Variants in PDE10A observed in about 807,000 individuals in gnomAD.
PDE10A encodes the protein phosphodiesterase 10A.
Under a neutral mutation model 97.7 loss-of-function variants are expected in PDE10A, and 39 were observed. The ratio of observed to expected loss-of-function variants is 0.40; its 90% CI spans 0.31 to 0.52. PDE10A has a LOEUF of 0.52. PDE10A is among the 20% of genes least tolerant of loss of function. The probability of loss-of-function intolerance (pLI) is 0.56; values close to 1 mark genes in which losing one functional copy is unlikely to be tolerated. For synonymous variants in PDE10A, 371 were observed against 376.8 expected (o/e 0.98, Z 0.18); for missense variants, 731 against 1,047.8 (o/e 0.70, Z 4.17).
chr6:165,787,383 C>T (rs933590895), intron 1 of PDE10A, among the ~76,000 whole-genome samples: 4 of 152,238 alleles, frequency 2.6e-5, no homozygotes, highest in South Asian at 4.2e-4. Flanking sequence ...GGTGAGGGCC[C>T]GTCCTGGTGC....
intron 3 of PDE10A, among the ~76,000 whole-genome samples, chr6:165,458,215 C>A (rs557712892): frequency 6.6e-6 from 1 of 152,048 alleles, no homozygotes; most frequent in South Asian, 2.1e-4. Flanking sequence ...AAGAATAGTA[C>A]AAGAAACACC....
In PDE10A at chr6:165,401,603, C is replaced by T. The variant is rs78691515; in HGVS notation, c.2077-5144G>A. On this transcript the variant is annotated intron_variant, in intron 13 of 21. Transcript: ENST00000539869. ...GAACATTCTGAAATCATCTTCATAA[C>T]CGTGATTTTTTTTCTAACTGATAAA... 5.8e-3 allele frequency among the ~76,000 whole-genome samples: 889 copies of T among 152,254 alleles called. 10 individuals carry two copies. Among genetic ancestry groups the T allele is most frequent in the African/African-American group, 0.02 (840 of 41,536 alleles).
At chr6:165,904,540 T>C (rs1334536009) in intron 1 of PDE10A, among the ~76,000 whole-genome samples, 4 of 152,220 alleles carry the variant, frequency 2.6e-5, no homozygotes, top group Non-Finnish European at 5.9e-5. Flanking sequence ...ATATTTTTTC[T>C]CTCTTTATGG....
rs111769996 is a variant in PDE10A, at chr6:165,708,429, T to C, written c.-614-164861A>G. On this transcript the variant is annotated intron_variant, in intron 1 of 19. Transcript: ENST00000366882. ...CAGGACCCACATTTGCATCTTCATC[T>C]CCTGTCAGTGCCCTCTGCACCAGAA... Among the ~76,000 whole-genome samples, 271 of 152,024 alleles carry C rather than the reference T, an allele frequency of 1.8e-3. 1 individual carries two copies. Among genetic ancestry groups the C allele is most frequent in the African/African-American group, 6.1e-3 (254 of 41,422 alleles).
In PDE10A at chr6:165,740,569, G is replaced by A. The variant is rs541301376; in HGVS notation, c.-614-197001C>T. 1.2e-4 allele frequency among the ~76,000 whole-genome samples: 18 copies of A among 152,186 alleles called. No homozygotes were observed. The South Asian group carries it at 2.9e-3, about 25-fold the overall frequency. On this transcript the variant is annotated intron_variant, in intron 1 of 19. Transcript: ENST00000366882. The stretch of plus-strand genomic sequence containing the variant: ...AGGATAATCTCCATCTCCTGACCTC[G>A]TGATCCACCTGCCTCACCCTCCCAA...
At chr6:165,812,602 G>T (rs761425215) in intron 1 of PDE10A, among the ~76,000 whole-genome samples, 1 of 152,154 alleles carries the variant, frequency 6.6e-6, no homozygotes, top group African/African-American at 2.4e-5. Flanking sequence ...AGTTGCTTTG[G>T]TAAAGCTTAA....
intron 1 of PDE10A, among the ~76,000 whole-genome samples, chr6:165,785,526 A>G (rs530957673): frequency 2.0e-5 from 3 of 152,306 alleles, no homozygotes; most frequent in Non-Finnish European, 4.4e-5. Context: ...TGTTGTTGTT[A>G]TCGTTATGCT....
chr6:165,815,180 T>C (rs538000824), intron 1 of PDE10A, among the ~76,000 whole-genome samples: 4 of 152,298 alleles, frequency 2.6e-5, no homozygotes, highest in East Asian at 3.9e-4. Flanking sequence ...AAACACTGAA[T>C]GTGCTCAATT....
chr6:165,676,009 G>C (rs1277250487), intron 1 of PDE10A, among the ~76,000 whole-genome samples: 4 of 152,176 alleles, frequency 2.6e-5, no homozygotes, highest in African/African-American at 9.7e-5. Context: ...CTAATGATTG[G>C]ATAAGGAAAG....
At chr6:165,856,904 A>G (rs917823956) in intron 1 of PDE10A, among the ~76,000 whole-genome samples, 1 of 152,208 alleles carries the variant, frequency 6.6e-6, no homozygotes, top group African/African-American at 2.4e-5. Flanking sequence ...GTGAATCTCA[A>G]GTTCTGTTAA....
At chr6:165,557,015 T>A (rs1213873134) in intron 1 of PDE10A, among the ~76,000 whole-genome samples, 1 of 152,094 alleles carries the variant, frequency 6.6e-6, no homozygotes, top group Admixed American at 6.6e-5. Context: ...GGCATGCGCC[T>A]GTCATTCCAG....
At chr6:165,501,431 G>C (rs910513229) in intron 2 of PDE10A, among the ~76,000 whole-genome samples, 3 of 152,194 alleles carry the variant, frequency 2.0e-5, no homozygotes, top group South Asian at 2.1e-4. Flanking sequence ...CGTGGTGGCG[G>C]GCGCCTGTAG....
At chr6:165,630,549 G>A (rs1788582595) in intron 1 of PDE10A, among the ~76,000 whole-genome samples, 1 of 152,110 alleles carries the variant, frequency 6.6e-6, no homozygotes. Context: ...GAGACTTGAT[G>A]GACTCATGCA....
At position 165,911,596 on chromosome 6, in the gene PDE10A, G is replaced by A. The variant is rs530092637; in HGVS notation, c.-615+75933C>T. Reference sequence around the variant, plus strand: ...CTAAAACAGAGAAGGATAAGCCACCGAAAAGGGCAGCACACCCTTCAACAT... The same window carrying A: ...CTAAAACAGAGAAGGATAAGCCACCAAAAAGGGCAGCACACCCTTCAACAT... On this transcript the variant is annotated intron_variant, in intron 1 of 19. Coordinates refer to the PDE10A transcript ENST00000366882. 2.0e-4 allele frequency among the ~76,000 whole-genome samples: 31 copies of A among 152,248 alleles called. 1 individual carries two copies. The South Asian group carries it at 4.6e-3, about 22-fold the overall frequency.
intron 1 of PDE10A, among the ~76,000 whole-genome samples, chr6:165,793,488 G>A (rs1778714166): frequency 6.6e-6 from 1 of 152,092 alleles, no homozygotes; most frequent in Non-Finnish European, 1.5e-5. Context: ...CGGGGCTGGG[G>A]GGCGTGGGGT....
At chr6:165,874,422 C>T (rs1381425033) in intron 1 of PDE10A, among the ~76,000 whole-genome samples, 2 of 152,068 alleles carry the variant, frequency 1.3e-5, no homozygotes, top group Non-Finnish European at 2.9e-5. Context: ...ATTCTCAGAT[C>T]TAAGGTTCAG....
intron 1 of PDE10A, among the ~76,000 whole-genome samples, chr6:165,877,072 T>C (rs1170697862): frequency 8.5e-5 from 13 of 152,202 alleles, no homozygotes; most frequent in African/African-American, 1.9e-4. Flanking sequence ...TGTTTTTAGT[T>C]TGAGGGAAAA....
intron 1 of PDE10A, among the ~76,000 whole-genome samples, chr6:165,614,090 T>C (rs1475611798): frequency 6.6e-6 from 1 of 152,150 alleles, no homozygotes; most frequent in African/African-American, 2.4e-5. Flanking sequence ...CTCGCAAACA[T>C]TTCCACTTAC....
At chr6:165,362,877 A>T (rs542919275) in intron 18 of PDE10A, among the ~76,000 whole-genome samples, 1 of 152,352 alleles carries the variant, frequency 6.6e-6, no homozygotes, top group African/African-American at 2.4e-5. Context: ...ATTACCTGAT[A>T]TCTATCATAG....
Sources: gnomAD v4.1 joint callset for allele counts (sites outside exome capture counted in the v4.1 genomes callset) on GRCh38, gnomAD v4.1.1 for gene constraint, MANE v1.5 for transcripts, NCBI Gene and HGNC (gene_info 2026-07-23, HGNC 2026-07-21) for gene names.